Variants in KIF21A observed in about 807,000 individuals in gnomAD.
KIF21A encodes kinesin family member 21A.
KIF21A carries 114 observed loss-of-function variants against 202.9 expected under a neutral mutation model. That is an observed-to-expected ratio of 0.56 (90% CI 0.48 to 0.66). The LOEUF is 0.66. Among genes scored for constraint, KIF21A ranks in the 30% least tolerant of loss-of-function variants. The pLI is 0.00. For synonymous variants in KIF21A, 667 were observed against 670.8 expected (o/e 0.99, Z 0.09); for missense variants, 1,677 against 1,994.9 (o/e 0.84, Z 3.04).
At chr12:39,375,968 C>T (rs1950245511) in intron 1 of KIF21A, among the ~76,000 whole-genome samples, 1 of 152,122 alleles carries the variant, frequency 6.6e-6, no homozygotes, top group Non-Finnish European at 1.5e-5. Context: ...GTTGTTACAA[C>T]ACCACCTGAA....
chr12:39,349,452 T>A (rs185996550), intron 11 of KIF21A, among the ~76,000 whole-genome samples: 2 of 152,196 alleles, frequency 1.3e-5, no homozygotes, highest in Non-Finnish European at 1.5e-5. Context: ...AAGCATGGAA[T>A]GTAACTCAAC....
rs189425299 is a variant in KIF21A at position 39,440,017 on chromosome 12, T to C, written c.44+2910A>G. On this transcript the variant is annotated intron_variant, in intron 1 of 37. Transcript: ENST00000361418. Reference sequence around the variant, plus strand: ...GGTCAAATGCTTTTGATTTTGTATATAGACACACGATTTTGTATTGATTTA... The same window carrying C: ...GGTCAAATGCTTTTGATTTTGTATACAGACACACGATTTTGTATTGATTTA... Among the ~76,000 whole-genome samples the C allele has an allele frequency of 8.1e-4, 124 of 152,306 alleles. No individual in the cohort carries two copies. The East Asian group carries it at 9.3e-3, about 11-fold the overall frequency.
chr12:39,318,156 GGAA>G lies in KIF21A; in HGVS notation c.3822_3824del (p.Ser1275del), dbSNP rs778077251. The G allele has an allele frequency of 1.2e-6, 2 of 1,613,632 alleles. No individual in the cohort carries two copies. The highest frequency in any genetic ancestry group is 1.7e-5 in the Admixed American group (1 of 60,012). ...GTTCATTACGGGGCCGGCTTGGTGG[GGAA>G]GAAGGAGGTGAAAGACTAGCCTCTG... On this transcript the variant is annotated inframe_deletion, in exon 29 of 38. Transcript: ENST00000361418.
At chr12:39,385,115 T>C (rs868596985) in intron 1 of KIF21A, among the ~76,000 whole-genome samples, 1 of 152,180 alleles carries the variant, frequency 6.6e-6, no homozygotes, top group African/African-American at 2.4e-5. Context: ...GCAAAGTAAG[T>C]AACCAGGAGG....
Position 39,367,965 on chromosome 12 carries a change from G to T in KIF21A, c.518C>A (p.Ser173Ter), listed in dbSNP as rs369178971. ...TRDIDAKSKK[S>*]NIRIHEDSTG... The stretch of plus-strand genomic sequence containing the variant: ...TGAATCTTCATGAATTCTTATATTT[G>T]ATTTTTTACTTTTTGCATCAATATC... Residue 173 changes from serine (S) to a stop codon, truncating the protein, a stop_gained, in exon 4 of 38, where the codon TCA becomes TAA. Transcript: ENST00000361418. LOFTEE classifies it high-confidence loss of function. 6.2e-7 allele frequency: 1 copy of T among 1,606,180 alleles called. No homozygotes were observed. Among genetic ancestry groups the T allele is most frequent in the Non-Finnish European group, 8.5e-7 (1 of 1,173,390 alleles).
chr12:39,418,496 A>G (rs769803858), intron 1 of KIF21A, among the ~76,000 whole-genome samples: 19 of 152,174 alleles, frequency 1.2e-4, no homozygotes, highest in Non-Finnish European at 2.6e-4. Flanking sequence ...TGTTGTTCCT[A>G]ATATCTGATT....
chr12:39,439,360 T>C (rs767530342), intron 1 of KIF21A, among the ~76,000 whole-genome samples: 9 of 152,176 alleles, frequency 5.9e-5, no homozygotes, highest in Admixed American at 5.2e-4. Flanking sequence ...AAGCAAAGTA[T>C]TATCATTTCA....
At chr12:39,363,398 A>ATATAG (rs1180399799) in intron 6 of KIF21A, among the ~76,000 whole-genome samples, 185 bp from the exon 7 acceptor site, 1 of 152,090 alleles carries the variant, frequency 6.6e-6, no homozygotes, top group East Asian at 1.9e-4. Flanking sequence ...TTAGTACTAT[A>ATATAG]TATAATACCG....
intron 1 of KIF21A, among the ~76,000 whole-genome samples, chr12:39,418,123 C>T (rs140760900): frequency 9.7e-4 from 147 of 151,664 alleles, no homozygotes; most frequent in African/African-American, 3.4e-3. Flanking sequence ...CAGGAGGATC[C>T]CTTGAGCCTA....
chr12:39,333,510 G>T (rs566047779), intron 17 of KIF21A, among the ~76,000 whole-genome samples: 8 of 152,156 alleles, frequency 5.3e-5, no homozygotes, highest in Non-Finnish European at 1.2e-4. Context: ...TTATCTCTGT[G>T]TTACATACTT....
chr12:39,383,492 A>G (rs1414115568), intron 1 of KIF21A, among the ~76,000 whole-genome samples: 2 of 152,248 alleles, frequency 1.3e-5, no homozygotes, highest in Admixed American at 1.3e-4. Flanking sequence ...AAATCCTCCT[A>G]GAGTCAATTC....
chr12:39,352,190 C>T (rs899545538), intron 10 of KIF21A, among the ~76,000 whole-genome samples: 20 of 151,944 alleles, frequency 1.3e-4, no homozygotes, highest in Admixed American at 3.3e-4. Context: ...TATTAACTTC[C>T]CCTCAGCCCC....
intron 12 of KIF21A, among the ~76,000 whole-genome samples, chr12:39,344,801 T>TAA (rs1171106816): frequency 2.6e-5 from 4 of 152,288 alleles, no homozygotes; most frequent in Admixed American, 2.0e-4. Context: ...ATATCTAAAA[T>TAA]AAGTATCTAA....
At chr12:39,295,697 T>TG (rs1942251660) in intron 37 of KIF21A, among the ~76,000 whole-genome samples, 1 of 139,518 alleles carries the variant, frequency 7.2e-6, no homozygotes, top group Non-Finnish European at 1.6e-5. Flanking sequence ...GATATGTTTT[T>TG]TTTTTTTTTT....
chr12:39,389,064 A>T (rs1337296213), intron 1 of KIF21A, among the ~76,000 whole-genome samples: 1 of 152,110 alleles, frequency 6.6e-6, no homozygotes, highest in South Asian at 2.1e-4. Context: ...GAAACTTTTC[A>T]TCAGTTAATT....
intron 31 of KIF21A, chr12:39,312,702 G>A (rs1224747040): frequency 2.6e-5 from 4 of 151,734 alleles, no homozygotes; most frequent in Admixed American, 6.6e-5. Flanking sequence ...AGCTCTTTAG[G>A]GAGCTTTCTC....
intron 5 of KIF21A, among the ~76,000 whole-genome samples, chr12:39,366,741 A>G (rs1949629060): frequency 6.6e-6 from 1 of 152,176 alleles, no homozygotes. Flanking sequence ...GCTTATGCTA[A>G]TGAAGGGAAA....
intron 1 of KIF21A, among the ~76,000 whole-genome samples, chr12:39,424,143 TA>T (rs1954561793): frequency 6.7e-6 from 1 of 149,020 alleles, no homozygotes; most frequent in Admixed American, 6.7e-5. Context: ...AGCACTCCAC[TA>T]AAGCAGCTCA....
chr12:39,309,078 A>G (rs1459367144), intron 33 of KIF21A, among the ~76,000 whole-genome samples: 1 of 152,162 alleles, frequency 6.6e-6, no homozygotes, highest in Admixed American at 6.5e-5. Flanking sequence ...TAATCCTCCA[A>G]TTAACCAAAA....
Sources: allele counts gnomAD v4.1 joint callset (sites outside exome capture counted in the v4.1 genomes callset), GRCh38; gene constraint gnomAD v4.1.1; transcripts MANE v1.5; gene names NCBI Gene and HGNC (gene_info 2026-07-23, HGNC 2026-07-21).